The following LRRC40 variants were observed in gnomAD, a reference collection of about 807,000 sequenced individuals.
The protein encoded by LRRC40 is leucine-rich repeat-containing protein 40.
LRRC40 carries 76 observed loss-of-function variants against 72.8 expected under a neutral mutation model. The observed-to-expected ratio is 1.04, with a 90% CI of 0.87 to 1.26. LRRC40 has a LOEUF of 1.26. LRRC40 is among the 50% of genes most tolerant of loss of function. The probability of loss-of-function intolerance (pLI) is 0.00; values close to 1 mark genes in which losing one functional copy is unlikely to be tolerated. For missense variants in LRRC40, 684 were observed against 698.9 expected (o/e 0.98, Z 0.24); for synonymous variants, 243 against 254.2 (o/e 0.96, Z 0.42).
chr1:70,189,548 T>C (rs1668447966), intron 1 of LRRC40, among the ~76,000 whole-genome samples: 4 of 152,178 alleles, frequency 2.6e-5, no homozygotes. Context: ...ATACACTGAT[T>C]AGCACATACA....
intron 9 of LRRC40, among the ~76,000 whole-genome samples, chr1:70,160,979 A>G (rs960856802): frequency 2.3e-4 from 35 of 152,226 alleles, no homozygotes; most frequent in African/African-American, 7.9e-4. Flanking sequence ...AGAAGATCCT[A>G]TAGGTTTCCA....
At chr1:70,168,370 A>G (rs542220428) in intron 9 of LRRC40, among the ~76,000 whole-genome samples, 83 of 152,146 alleles carry the variant, frequency 5.5e-4, no homozygotes, top group Non-Finnish European at 8.8e-5. Flanking sequence ...AAACCAAGAG[A>G]ACCTAAGTCT....
chr1:70,199,892 A>G (rs1193993749), intron 1 of LRRC40, among the ~76,000 whole-genome samples: 2 of 152,156 alleles, frequency 1.3e-5, no homozygotes, highest in Non-Finnish European at 2.9e-5. Context: ...AAGAGTAACC[A>G]GGTTTCAGTT....
chr1:70,195,232 C>T (rs1331130627), intron 1 of LRRC40, among the ~76,000 whole-genome samples: 2 of 151,930 alleles, frequency 1.3e-5, no homozygotes, highest in African/African-American at 4.8e-5. Flanking sequence ...AAATTTATAA[C>T]TTACATGTTT....
chr1:70,154,614 ACTATG>A (rs1016945449), intron 11 of LRRC40, among the ~76,000 whole-genome samples: 1 of 152,164 alleles, frequency 6.6e-6, no homozygotes, highest in Non-Finnish European at 1.5e-5. Flanking sequence ...CATTCCCTAA[ACTATG>A]CTCTGAGAAA....
intron 1 of LRRC40, among the ~76,000 whole-genome samples, chr1:70,201,567 C>G (rs528026590): frequency 6.6e-6 from 1 of 152,266 alleles, no homozygotes; most frequent in South Asian, 2.1e-4. Flanking sequence ...AAAAAACGTG[C>G]AAAAGTTCTT....
chr1:70,155,107 A>G (rs1476588425), intron 11 of LRRC40, among the ~76,000 whole-genome samples: 1 of 152,170 alleles, frequency 6.6e-6, no homozygotes, highest in African/African-American at 2.4e-5. Flanking sequence ...ATTAACACTC[A>G]TAATCTAAAG....
intron 1 of LRRC40, among the ~76,000 whole-genome samples, chr1:70,194,180 T>A (rs1052974202): frequency 6.6e-6 from 1 of 152,046 alleles, no homozygotes; most frequent in Non-Finnish European, 1.5e-5. Flanking sequence ...GACACTATGA[T>A]CATCTATGTA....
chr1:70,205,503 C>A lies in LRRC40; in HGVS notation c.38G>T (p.Arg13Leu). 1.2e-6 allele frequency: 2 copies of A among 1,605,266 alleles called. No individual in the cohort carries two copies. ...RLKRIAGQDLRAGFKAGGRDC... is the reference protein window; with the variant it reads ...RLKRIAGQDLLAGFKAGGRDC... ...TCTTCCACCTGCTTTGAAACCAGCG[C>A]GGAGATCCTGCCCCGCTATCCGCTT... The change falls in exon 1 of 15, where the codon CGC (arginine) becomes CTC (leucine). Residue 13 changes from arginine (R) to leucine (L), a missense_variant. Coordinates refer to ENST00000370952, the MANE Select transcript of LRRC40 (RefSeq NM_017768.5).
intron 9 of LRRC40, among the ~76,000 whole-genome samples, chr1:70,171,084 T>C (rs915297837): frequency 6.6e-6 from 1 of 152,098 alleles, no homozygotes; most frequent in African/African-American, 2.4e-5. Context: ...TTTACAAGAA[T>C]GCCAAGACCA....
Position 70,187,328 on chromosome 1 carries a change from T to C in LRRC40, c.344A>G (p.Asn115Ser), listed in dbSNP as rs1000747202. The C allele has an allele frequency of 1.3e-6, 2 of 1,557,310 alleles. No individual in the cohort carries two copies. Among genetic ancestry groups the C allele is most frequent in the Non-Finnish European group, 1.8e-6 (2 of 1,134,448 alleles). ...PALTVLDIHD[N>S]QLTSLPSAIR... ...AGCAGAAGGAAGGGATGTCAACTGA[T>C]TATCATGTATCTAAAAGTTTTTAAA... Residue 115 changes from asparagine (N) to serine (S), a missense_variant, in exon 3 of 15, where the codon AAT becomes AGT. Asn to Ser is a conservative substitution (Grantham distance 46). Transcript: ENST00000370952.
At chr1:70,191,042 T>C (rs1048389824) in intron 1 of LRRC40, among the ~76,000 whole-genome samples, 1 of 151,836 alleles carries the variant, frequency 6.6e-6, no homozygotes, top group Non-Finnish European at 1.5e-5. Flanking sequence ...GCCAAGCAAC[T>C]GGCATGTGAA....
In LRRC40 at chr1:70,184,782, T is replaced by A. The variant is rs774341021; in HGVS notation, c.537+3A>T. On this transcript the variant is annotated splice_donor_region_variant and intron_variant, in intron 4 of 14. Coordinates refer to ENST00000370952, the MANE Select transcript of LRRC40 (RefSeq NM_017768.5). ...GTACAAAAATTGGAAAATCAGAACTTACTAAATCTTCTAAATTGGAAAGTT... is the reference window on the plus strand; with the variant it reads ...GTACAAAAATTGGAAAATCAGAACTAACTAAATCTTCTAAATTGGAAAGTT... The A allele has an allele frequency of 1.3e-6, 2 of 1,598,360 alleles. No homozygotes were observed. Among genetic ancestry groups the A allele is most frequent in the Non-Finnish European group, 1.7e-6 (2 of 1,175,672 alleles).
chr1:70,172,774 T>C (rs1668025166), intron 9 of LRRC40, among the ~76,000 whole-genome samples: 1 of 152,130 alleles, frequency 6.6e-6, no homozygotes. Context: ...ACTGGCAACA[T>C]AGTGCTAAGC....
intron 7 of LRRC40, 73 bp downstream of exon 7, chr1:70,175,737 T>C: frequency 8.7e-7 from 1 of 1,150,126 alleles, no homozygotes; most frequent in Admixed American, 3.5e-5. Context: ...CTTGGTTTTT[T>C]AACAAATATT....
chr1:70,173,501 G>A lies in LRRC40; in HGVS notation c.1075C>T (p.Gln359Ter). The part of the protein sequence containing the change: ...IRREIISKGT[Q>*]EVLKYLRSKI... ...CTTCGTAGATATTTTAGGACTTCTTGTGTTCCTTTCTAGAAGGGTGGAGAC... is the reference window on the plus strand; with the variant it reads ...CTTCGTAGATATTTTAGGACTTCTTATGTTCCTTTCTAGAAGGGTGGAGAC... Residue 359 changes from glutamine (Q) to a stop codon, truncating the protein, a stop_gained, in exon 9 of 15, where the codon CAA becomes TAA. Coordinates refer to ENST00000370952, the MANE Select transcript of LRRC40 (RefSeq NM_017768.5). LOFTEE classifies it high-confidence loss of function. The A allele has an allele frequency of 6.2e-7, 1 of 1,607,846 alleles. No individual in the cohort carries two copies. The highest frequency in any genetic ancestry group is 8.5e-7 in the Non-Finnish European group (1 of 1,174,956).
At chr1:70,194,179 A>T (rs1668560077) in intron 1 of LRRC40, among the ~76,000 whole-genome samples, 1 of 152,102 alleles carries the variant, frequency 6.6e-6, no homozygotes, top group African/African-American at 2.4e-5. Context: ...AGACACTATG[A>T]TCATCTATGT....
chr1:70,176,421 A>G (rs1668105286), intron 6 of LRRC40, among the ~76,000 whole-genome samples: 1 of 151,428 alleles, frequency 6.6e-6, no homozygotes, highest in African/African-American at 2.4e-5. Flanking sequence ...AGTCCCAGCT[A>G]CTCAGGAGGC....
At chr1:70,190,677 T>TAAGAAAA (rs1668476658) in intron 1 of LRRC40, among the ~76,000 whole-genome samples, 2 of 54,360 alleles carry the variant, frequency 3.7e-5, no homozygotes, top group Admixed American at 4.0e-4. Context: ...ACCCTGTCTC[T>TAAGAAAA]AAAAAAAAAA....
Sources: gnomAD v4.1 joint callset for allele counts (sites outside exome capture counted in the v4.1 genomes callset) on GRCh38, gnomAD v4.1.1 for gene constraint, MANE v1.5 for transcripts, NCBI Gene and HGNC (gene_info 2026-07-23, HGNC 2026-07-21) for gene names.